Variants in ADARB1 observed in about 807,000 individuals in gnomAD.
ADARB1 encodes the protein adenosine deaminase RNA specific B1, also known as double-stranded RNA-specific editase 1.
In ADARB1, 10 loss-of-function variants were observed where a neutral mutation model predicts 52.4. The observed-to-expected ratio is 0.19, with a 90% CI of 0.12 to 0.32. The LOEUF (loss-of-function observed/expected upper bound fraction) is 0.32. Ranked by LOEUF, ADARB1 falls within the 10% of genes least tolerant of loss-of-function variation. ADARB1 has a pLI of 1.00. For missense variants in ADARB1, 643 were observed against 922.3 expected, an observed-to-expected ratio of 0.70 and a Z score of 3.92; for synonymous variants, 349 against 371.1, an observed-to-expected ratio of 0.94 and a Z score of 0.68.
chr21:45,189,219 G>A (rs193209809), intron 8 of ADARB1, among the ~76,000 whole-genome samples: 233 of 151,924 alleles, frequency 1.5e-3, no homozygotes, highest in African/African-American at 5.1e-3. Context: ...TTTTGTCTCC[G>A]TGGGGTACAA....
At chr21:45,138,020 A>G (rs1004098189) in intron 2 of ADARB1, among the ~76,000 whole-genome samples, 3 of 152,162 alleles carry the variant, frequency 2.0e-5, no homozygotes, top group Admixed American at 2.0e-4. Context: ...GCTTTTGATG[A>G]GAAGCGATAG....
At chr21:45,134,914 C>A in intron 2 of ADARB1, 1 of 482,124 alleles carries the variant, frequency 2.1e-6, no homozygotes, top group Non-Finnish European at 4.3e-6. Flanking sequence ...GAGTCCCCTG[C>A]TGCCTGGGCA....
chr21:45,086,679 G>A (rs558269813), intron 1 of ADARB1, among the ~76,000 whole-genome samples: 1 of 152,320 alleles, frequency 6.6e-6, no homozygotes, highest in South Asian at 2.1e-4. Context: ...CCTTTTAGTC[G>A]TATTGGCGTA....
chr21:45,081,786 G>A (rs2086161573), intron 1 of ADARB1, among the ~76,000 whole-genome samples: 1 of 152,168 alleles, frequency 6.6e-6, no homozygotes, highest in Non-Finnish European at 1.5e-5. Context: ...GTCAGGAGGG[G>A]GGACAACAGC....
chr21:45,216,748 T>C (rs2092870353), intron 9 of ADARB1, among the ~76,000 whole-genome samples: 1 of 152,052 alleles, frequency 6.6e-6, no homozygotes, highest in Non-Finnish European at 1.5e-5. Flanking sequence ...TTATTTTCTT[T>C]TATATTCTTA....
At position 45,222,035 on chromosome 21, in the gene ADARB1, A is replaced by T. The variant is rs1458783909; in HGVS notation, c.1944A>T (p.Leu648=). 1 of 1,613,442 alleles carries T rather than the reference A, an allele frequency of 6.2e-7. No homozygotes were observed. ...CTTCACAGGTTCCCTCCCACTTACT[A>T]CGCTCCAAGATTACCAAGCCCAACG... ...RVHGKVPSHL[L]RSKITKPNVY... is the part of the protein sequence containing the mutation. The change falls in exon 11 of 11, where the codon CTA becomes CTT. Residue 648 remains leucine (L), a synonymous_variant. Transcript: ENST00000348831.
chr21:45,141,537 G>C (rs1348690941), intron 2 of ADARB1, among the ~76,000 whole-genome samples: 1 of 152,130 alleles, frequency 6.6e-6, no homozygotes, highest in Non-Finnish European at 1.5e-5. Flanking sequence ...TGTAAATGGG[G>C]ATGGAGCTGT....
intron 1 of ADARB1, among the ~76,000 whole-genome samples, chr21:45,121,949 T>C (rs2088218638): frequency 6.6e-6 from 1 of 152,250 alleles, no homozygotes; most frequent in South Asian, 2.1e-4. Context: ...TACTAATTCT[T>C]AGGACTAATA....
In ADARB1 at chr21:45,157,797, C is replaced by G. The variant is rs759143292; in HGVS notation, c.-47-13813C>G. 6.6e-6 allele frequency among the ~76,000 whole-genome samples: 1 copy of G among 152,212 alleles called. No individual in the cohort carries two copies. Among genetic ancestry groups the G allele is most frequent in the East Asian group, 1.9e-4 (1 of 5,198 alleles). On this transcript the variant is annotated intron_variant, in intron 2 of 10. Coordinates refer to ENST00000348831, the MANE Select transcript of ADARB1 (RefSeq NM_001112.4). The surrounding 1 kb of genome is among the most constrained non-coding windows in gnomAD (Gnocchi z 4.1). ...GGCACAGCTGGCCCTCGAAGTCACT[C>G]AGGGACCTAGGTTTCTTCCATCCTT...
intron 2 of ADARB1, among the ~76,000 whole-genome samples, chr21:45,146,626 A>G (rs1490748109): frequency 1.3e-5 from 2 of 152,226 alleles, no homozygotes; most frequent in East Asian, 3.9e-4. Flanking sequence ...TGTAGAAATC[A>G]AATCAGATGA....
Position 45,117,219 on chromosome 21 carries a change from C to A in ADARB1, c.-219-11183C>A, listed in dbSNP as rs141135721. Among the ~76,000 whole-genome samples the A allele has an allele frequency of 3.3e-4, 50 of 152,296 alleles. No individual in the cohort carries two copies. The East Asian group carries it at 7.7e-3, about 23-fold the overall frequency. ...TTCCCAGCCTCCTTCTCCAGGGAGA[C>A]CTAGCCGCTGCTGTTTTGAGTTTCC... On this transcript the variant is annotated intron_variant, in intron 1 of 10. Transcript: ENST00000348831.
intron 1 of ADARB1, among the ~76,000 whole-genome samples, chr21:45,126,808 C>G (rs904327601): frequency 6.6e-6 from 1 of 152,220 alleles, no homozygotes; most frequent in East Asian, 1.9e-4. Context: ...CCAAAACCCA[C>G]TCTGCATATC....
chr21:45,079,972 A>T (rs576519129), intron 1 of ADARB1, among the ~76,000 whole-genome samples: 2 of 152,296 alleles, frequency 1.3e-5, no homozygotes, highest in South Asian at 4.1e-4. Context: ...AACGCCATTG[A>T]AAAGGACTCT....
At position 45,108,257 on chromosome 21, in the gene ADARB1, A is replaced by G. The variant is rs142796669; in HGVS notation, c.-219-20145A>G. Among the ~76,000 whole-genome samples, 412 of 152,380 alleles carry G rather than the reference A, an allele frequency of 2.7e-3. 1 individual carries two copies. The highest frequency in any genetic ancestry group is 4.9e-3 in the Non-Finnish European group (335 of 68,040). On this transcript the variant is annotated intron_variant, in intron 1 of 10. Transcript: ENST00000348831. ...TATGCACATATACACGTACATAAAC[A>G]TGGCCCATACACTTTACCAAGATAC... is the stretch of plus-strand genomic sequence containing the variant.
intron 2 of ADARB1, among the ~76,000 whole-genome samples, chr21:45,171,105 A>G (rs2091462821): frequency 6.6e-6 from 1 of 152,214 alleles, no homozygotes; most frequent in Admixed American, 6.5e-5. Flanking sequence ...GTAAAGATAG[A>G]TGGCAAGTAT....
intron 9 of ADARB1, among the ~76,000 whole-genome samples, chr21:45,217,546 A>G (rs1017592764): frequency 6.6e-6 from 1 of 152,220 alleles, no homozygotes; most frequent in Non-Finnish European, 1.5e-5. Flanking sequence ...TGTGTTAAAA[A>G]AATCCACATC....
At chr21:45,163,609 C>T (rs1047565132) in intron 2 of ADARB1, among the ~76,000 whole-genome samples, 1 of 152,224 alleles carries the variant, frequency 6.6e-6, no homozygotes, top group African/African-American at 2.4e-5. Flanking sequence ...GACTCTGGGC[C>T]CTCAAGGCCA....
At chr21:45,133,046 C>G (rs1194231761) in intron 2 of ADARB1, among the ~76,000 whole-genome samples, 3 of 152,256 alleles carry the variant, frequency 2.0e-5, no homozygotes, top group African/African-American at 7.2e-5. Context: ...CAAGTTTTCA[C>G]AGTCATGTGC....
intron 1 of ADARB1, among the ~76,000 whole-genome samples, chr21:45,095,546 G>C (rs539764171): frequency 6.6e-6 from 1 of 152,250 alleles, no homozygotes; most frequent in East Asian, 1.9e-4. Context: ...GCTGTTTCAG[G>C]GTTCTGCATC....
Sources: gnomAD v4.1 joint callset for allele counts (sites outside exome capture counted in the v4.1 genomes callset) on GRCh38, gnomAD v4.1.1 for gene constraint, Gnocchi (gnomAD v3.1) non-coding constraint, MANE v1.5 for transcripts, NCBI Gene and HGNC (gene_info 2026-07-23, HGNC 2026-07-21) for gene names.